The following PHF8 variants were observed in gnomAD, a reference collection of about 807,000 sequenced individuals.
PHF8 encodes the protein histone lysine demethylase PHF8.
PHF8 carries 9 observed loss-of-function variants against 74.4 expected under a neutral mutation model. The observed-to-expected ratio is 0.12, with a 90% CI of 0.07 to 0.21. The LOEUF (loss-of-function observed/expected upper bound fraction) is 0.21. Ranked by LOEUF, PHF8 falls within the 10% of genes least tolerant of loss-of-function variation. The pLI, the probability that PHF8 is intolerant of heterozygous loss-of-function variation, is 1.00. For missense variants in PHF8, 478 were observed against 816.6 expected (o/e 0.59, Z 5.05); for synonymous variants, 311 against 316.6 (o/e 0.98, Z 0.19).
intron 18 of PHF8, among the ~76,000 whole-genome samples, chrX:53,981,598 A>G (rs782008633): frequency 9.0e-6 from 1 of 111,494 alleles, no homozygotes; most frequent in Non-Finnish European, 1.9e-5. Flanking sequence ...GCTGGTATCT[A>G]TTTAACCAAA....
At position 53,947,094 on chromosome X, in the gene PHF8, C is replaced by T. The variant is rs782136999; in HGVS notation, c.2540-2851G>A. Reference sequence around the variant, plus strand: ...TGGGGTCATCTCGGCTCACTGCAACCTCCACCTCCCGGGTTCAAGCTATTC... The same window carrying T: ...TGGGGTCATCTCGGCTCACTGCAACTTCCACCTCCCGGGTTCAAGCTATTC... On this transcript the variant is annotated intron_variant, in intron 19 of 21. Transcript: ENST00000338154. Among the ~76,000 whole-genome samples, 108 of 111,604 alleles carry T rather than the reference C, an allele frequency of 9.7e-4. 1 individual carries two copies. In the Middle Eastern group the frequency reaches 0.018, roughly 19 times the overall value.
intron 2 of PHF8, among the ~76,000 whole-genome samples, chrX:54,032,779 C>T (rs1230456204): frequency 9.3e-6 from 1 of 107,596 alleles, no homozygotes; most frequent in African/African-American, 3.4e-5. Context: ...TCCATAACTT[C>T]TAACAACTTA....
intron 20 of PHF8, among the ~76,000 whole-genome samples, chrX:53,940,908 A>G (rs1304199026): frequency 8.9e-6 from 1 of 112,359 alleles, no homozygotes; most frequent in Non-Finnish European, 1.9e-5. Context: ...TAACAGCTCT[A>G]AGAAGAAAAA....
chrX:54,002,327 G>T, intron 9 of PHF8, 66 bp from the exon 10 acceptor site: 1 of 695,797 alleles, frequency 1.4e-6, no homozygotes, highest in South Asian at 2.2e-5. Context: ...TATGAATCAG[G>T]TTTTGTTCTG....
intron 4 of PHF8, among the ~76,000 whole-genome samples, chrX:54,019,134 A>T (rs948125426): frequency 8.9e-6 from 1 of 112,144 alleles, no homozygotes; most frequent in Admixed American, 9.5e-5. Flanking sequence ...AGTAGTTCAC[A>T]GAGAAAACAA....
At chrX:54,039,495 A>G (rs1557115293) in intron 2 of PHF8, 1 of 112,312 alleles carries the variant, frequency 8.9e-6, no homozygotes, top group African/African-American at 3.2e-5. Context: ...ACACAGAAAC[A>G]CACAACTCAC....
Position 53,987,149 on chromosome X carries a change from A to G in PHF8, c.1924T>C (p.Leu642=). Residue 642 remains leucine (L), a synonymous_variant, in exon 16 of 22, where the codon TTG becomes CTG. Transcript: ENST00000338154. ...TCAGAGCAAGGCTTCGCACGGGGCA[A>G]TTTCCGGGGAAATTCTAGAAAACAA... ...LIIRPKFPRK[L]PRAKPCSDPN... 8.4e-7 allele frequency: 1 copy of G among 1,186,648 alleles called. No homozygotes were observed.
intron 19 of PHF8, among the ~76,000 whole-genome samples, chrX:53,952,866 C>T (rs1251432794): frequency 2.7e-4 from 24 of 88,796 alleles, no homozygotes; most frequent in Non-Finnish European, 2.4e-4. Context: ...CCAATCTGGG[C>T]GACACAGCGA....
chrX:54,037,014 A>G (rs1193672869), intron 2 of PHF8, among the ~76,000 whole-genome samples: 2 of 108,720 alleles, frequency 1.8e-5, no homozygotes, highest in African/African-American at 3.3e-5. Flanking sequence ...AAAAAAAAAA[A>G]AAAGAAAAGA....
chrX:53,958,093 G>A (rs1389072284), intron 19 of PHF8, among the ~76,000 whole-genome samples: 1 of 107,573 alleles, frequency 9.3e-6, no homozygotes, highest in Non-Finnish European at 1.9e-5. Flanking sequence ...CCAGGCTGGA[G>A]TGCAGTGGCA....
chrX:54,023,266 C>T (rs1324281168), intron 2 of PHF8, among the ~76,000 whole-genome samples: 2 of 111,008 alleles, frequency 1.8e-5, no homozygotes, highest in African/African-American at 6.6e-5. Context: ...TGTGAGCCAC[C>T]ACGCCCAGCC....
intron 20 of PHF8, chrX:53,943,487 C>A (rs2064783375): frequency 3.2e-6 from 3 of 951,450 alleles, no homozygotes; most frequent in Non-Finnish European, 4.1e-6. Context: ...AAGCAACTAA[C>A]AAAGCAGATG....
chrX:53,966,805 G>A (rs1603306016), intron 18 of PHF8, among the ~76,000 whole-genome samples: 3 of 109,687 alleles, frequency 2.7e-5, no homozygotes, highest in Non-Finnish European at 3.8e-5. Flanking sequence ...CTTCCCGGCC[G>A]CCATCCCATC....
intron 2 of PHF8, among the ~76,000 whole-genome samples, chrX:54,036,600 A>C (rs1380141571): frequency 3.5e-5 from 3 of 86,828 alleles, no homozygotes; most frequent in Middle Eastern, 6.3e-3. Context: ...AAAAAAAAAA[A>C]CTTTTTTTTT....
chrX:53,963,998 C>T (rs1274948071), intron 18 of PHF8, among the ~76,000 whole-genome samples: 1 of 111,975 alleles, frequency 8.9e-6, no homozygotes, highest in Non-Finnish European at 1.9e-5. Flanking sequence ...ATGCCCATCA[C>T]TGATAGACTG....
upstream of PHF8, among the ~76,000 whole-genome samples, chrX:54,045,887 G>GT (rs781941834): frequency 9.9e-5 from 11 of 110,909 alleles, no homozygotes; most frequent in African/African-American, 3.6e-4. Context: ...GAAAACACAG[G>GT]TTTTTGAGCA....
In PHF8 at chrX:54,022,272, T is replaced by A. The variant is rs782064595; in HGVS notation, c.280A>T (p.Arg94Trp). The A allele has an allele frequency of 8.5e-7, 1 of 1,172,610 alleles. No homozygotes were observed. Among genetic ancestry groups the A allele is most frequent in the East Asian group, 3.0e-5 (1 of 33,627 alleles). Reference sequence around the variant, plus strand: ...AGGGTTCCTCACCTGTCAAAAGTCCTACTCCGGAGCTCTCTGACGAACGTA... The same window carrying A: ...AGGGTTCCTCACCTGTCAAAAGTCCAACTCCGGAGCTCTCTGACGAACGTA... ...SPTFVRELRS[R>W]TFDSSDEVIL... Residue 94 changes from arginine (R) to tryptophan (W), a missense_variant, in exon 4 of 22, where the codon AGG becomes TGG. Arg to Trp is a moderately radical substitution (Grantham distance 101). Coordinates refer to ENST00000338154, the MANE Select transcript of PHF8 (RefSeq NM_015107.3).
At chrX:53,986,092 T>C (rs972481593) in intron 16 of PHF8, 143 bp from the exon 17 acceptor site, 25 of 579,220 alleles carry the variant, frequency 4.3e-5, no homozygotes, top group Non-Finnish European at 7.3e-5. Context: ...ATTCATTCTT[T>C]TATCTTAATT....
chrX:54,042,482 G>A lies in PHF8; in HGVS notation c.98+149C>T, dbSNP rs1461153201. The A allele has an allele frequency of 2.7e-5, 14 of 513,527 alleles. No individual in the cohort carries two copies. In the South Asian group the frequency reaches 2.9e-4, roughly 11 times the overall value. 42.3% of individuals were successfully genotyped at this position (513,527 alleles called of 1,213,427 possible). A position where few individuals can be genotyped will look rare whatever the true frequency, so the allele number is the denominator to read the frequency against. ...AGAAACCAGAGGCTAATGTCAGCTA[G>A]GTCCTGTTCTGCAAGGAGAGATGGC... On this transcript the variant is annotated intron_variant, in intron 2 of 21. Coordinates refer to ENST00000338154, the MANE Select transcript of PHF8 (RefSeq NM_015107.3).
Sources: allele counts gnomAD v4.1 joint callset (sites outside exome capture counted in the v4.1 genomes callset), GRCh38; gene constraint gnomAD v4.1.1; transcripts MANE v1.5; gene names NCBI Gene and HGNC (gene_info 2026-07-23, HGNC 2026-07-21).